Variants in CADM1 observed in about 807,000 individuals in gnomAD.
CADM1 encodes the protein cell adhesion molecule 1.
In CADM1, 15 loss-of-function variants were observed where a neutral mutation model predicts 53.1. That is an observed-to-expected ratio of 0.28 (90% CI 0.19 to 0.44). CADM1 has a LOEUF of 0.44. CADM1 is among the 20% of genes least tolerant of loss of function. The pLI is 1.00. For missense variants in CADM1, 434 were observed against 611.3 expected, an observed-to-expected ratio of 0.71 and a Z score of 3.06; for synonymous variants, 281 against 243.0, an observed-to-expected ratio of 1.16 and a Z score of -1.45.
At chr11:115,220,399 T>G (rs4936323) in intron 5 of CADM1, among the ~76,000 whole-genome samples, 30,684 of 152,192 alleles carry the variant, frequency 0.2, 3,827 homozygotes, top group South Asian at 0.35. Context: ...AGCTAAGGAT[T>G]TGTTATACCC....
rs141839758 is a variant in CADM1, at chr11:115,361,302, A to T, written c.125-120882T>A. On this transcript the variant is annotated intron_variant, in intron 1 of 11. Coordinates refer to ENST00000331581, the MANE Select transcript of CADM1 (RefSeq NM_001301043.2). ...GAGCTGGGTACCTGGCAATTCTCTT[A>T]CCAGAAAGAAGTCAGTAGGATTATA... 1.9e-3 allele frequency among the ~76,000 whole-genome samples: 285 copies of T among 152,290 alleles called. 2 individuals carry two copies. Among genetic ancestry groups the T allele is most frequent in the African/African-American group, 6.6e-3 (274 of 41,568 alleles).
chr11:115,231,256 G>T, intron 4 of CADM1, 97 bp downstream of exon 4: 2 of 1,332,122 alleles, frequency 1.5e-6, no homozygotes, highest in Non-Finnish European at 2.2e-6. Context: ...GAATACTTTT[G>T]TTTCATGGGC....
intron 1 of CADM1, among the ~76,000 whole-genome samples, chr11:115,485,496 C>T (rs577957716): frequency 9.8e-5 from 15 of 152,302 alleles, no homozygotes; most frequent in African/African-American, 3.4e-4. Flanking sequence ...CTGTAATTCC[C>T]ACGTGTTGTG....
intron 9 of CADM1, among the ~76,000 whole-genome samples, chr11:115,198,051 G>T (rs1361249370): frequency 6.6e-6 from 1 of 152,038 alleles, no homozygotes; most frequent in Non-Finnish European, 1.5e-5. Context: ...AAAGCAACTG[G>T]GCCTTTAATT....
chr11:115,247,241 T>C (rs1565322531), intron 1 of CADM1, among the ~76,000 whole-genome samples: 1 of 152,178 alleles, frequency 6.6e-6, no homozygotes, highest in Non-Finnish European at 1.5e-5. Context: ...AGTTTTGCTA[T>C]AGTTTAAATA....
At chr11:115,415,041 A>G (rs1049399757) in intron 1 of CADM1, among the ~76,000 whole-genome samples, 2 of 152,190 alleles carry the variant, frequency 1.3e-5, no homozygotes, top group African/African-American at 4.8e-5. Context: ...TAGCATATAT[A>G]TCTTCTAGCA....
intron 1 of CADM1, among the ~76,000 whole-genome samples, chr11:115,360,067 T>C (rs1457925574): frequency 1.3e-5 from 2 of 152,158 alleles, no homozygotes; most frequent in Admixed American, 6.5e-5. Flanking sequence ...AGAGCATTAA[T>C]CATGTAGAGG....
intron 10 of CADM1, among the ~76,000 whole-genome samples, chr11:115,188,940 G>A (rs1939708757): frequency 6.6e-6 from 1 of 151,754 alleles, no homozygotes; most frequent in Admixed American, 6.6e-5. Flanking sequence ...GCTGCTGAGT[G>A]AAGCCAAGCT....
At chr11:115,212,875 C>T (rs1187693581) in intron 7 of CADM1, among the ~76,000 whole-genome samples, 2 of 152,184 alleles carry the variant, frequency 1.3e-5, no homozygotes, top group Non-Finnish European at 2.9e-5. Context: ...AAAATCGTTA[C>T]CATAGGGCAT....
At chr11:115,427,562 CAT>C (rs976600565) in intron 1 of CADM1, among the ~76,000 whole-genome samples, 4 of 151,932 alleles carry the variant, frequency 2.6e-5, no homozygotes, top group African/African-American at 9.7e-5. Context: ...TGGGGGCAAA[CAT>C]AGAAGAATAC....
chr11:115,172,369 C>G lies in CADM1; in HGVS notation c.*4105G>C, dbSNP rs1196372328. 6.6e-6 allele frequency: 1 copy of G among 152,320 alleles called. No homozygotes were observed. The allele number at this position is 152,320 out of a possible 1,614,324, so 9.4% of individuals were successfully genotyped here. A position where few individuals can be genotyped will look rare whatever the true frequency, so the allele number is the denominator to read the frequency against. On this transcript the variant is annotated 3_prime_UTR_variant, in exon 12 of 12. Transcript: ENST00000331581. ...CACAAGACCCATCCCACCCTGCACA[C>G]GGAATTGCTTTCTTCTCCCCATACA...
intron 1 of CADM1, among the ~76,000 whole-genome samples, chr11:115,301,200 A>G (rs1292748805): frequency 6.6e-6 from 1 of 152,102 alleles, no homozygotes; most frequent in East Asian, 1.9e-4. Context: ...CCCTCACAGA[A>G]GAGCCCACAG....
chr11:115,309,596 C>T (rs868814685), intron 1 of CADM1, among the ~76,000 whole-genome samples: 1 of 151,996 alleles, frequency 6.6e-6, no homozygotes, highest in African/African-American at 2.4e-5. Flanking sequence ...TTATGTAGAA[C>T]TGAAATGGGA....
intron 5 of CADM1, among the ~76,000 whole-genome samples, chr11:115,221,668 CT>C (rs1324874273): frequency 6.6e-6 from 1 of 152,162 alleles, no homozygotes; most frequent in Non-Finnish European, 1.5e-5. Context: ...TTTCAGTTTC[CT>C]ATGTAAATGA....
chr11:115,185,842 A>C (rs2134618752), intron 10 of CADM1, among the ~76,000 whole-genome samples: 1 of 152,318 alleles, frequency 6.6e-6, no homozygotes, highest in South Asian at 2.1e-4. Flanking sequence ...TTCCCACTAG[A>C]ATCTCTCTCT....
intron 1 of CADM1, among the ~76,000 whole-genome samples, chr11:115,327,977 C>G (rs10891829): frequency 0.64 from 97,261 of 151,774 alleles, 33,219 homozygotes; most frequent in African/African-American, 0.87. Context: ...TTTTCTGCTT[C>G]ATTTTATGCC....
intron 1 of CADM1, among the ~76,000 whole-genome samples, chr11:115,332,128 T>A (rs1416506485): frequency 6.6e-6 from 1 of 152,122 alleles, no homozygotes; most frequent in African/African-American, 2.4e-5. Context: ...TATTGAACCA[T>A]CTGAATAGTT....
Position 115,240,273 on chromosome 11 carries a change from C to T in CADM1, c.271+1G>A, listed in dbSNP as rs78370249. On this transcript the variant is annotated splice_donor_variant, in intron 2 of 11. Coordinates refer to ENST00000331581, the MANE Select transcript of CADM1 (RefSeq NM_001301043.2). LOFTEE classifies it high-confidence loss of function. Reference sequence around the variant, plus strand: ...CTACAACTATAGAGATGGAAACTTACGCCTGAAGTCCCTGAAATAAATGGT... The same window carrying T: ...CTACAACTATAGAGATGGAAACTTATGCCTGAAGTCCCTGAAATAAATGGT... The T allele has an allele frequency of 2.5e-6, 4 of 1,613,376 alleles. No homozygotes were observed. Among genetic ancestry groups the T allele is most frequent in the African/African-American group, 1.3e-5 (1 of 74,978 alleles).
At chr11:115,338,619 C>T in intron 1 of CADM1, among the ~76,000 whole-genome samples, 1 of 152,168 alleles carries the variant, frequency 6.6e-6, no homozygotes, top group East Asian at 1.9e-4. Context: ...CAGATGCTCA[C>T]ACGTAGGAAG....
Sources: gnomAD v4.1 joint callset for allele counts (sites outside exome capture counted in the v4.1 genomes callset) on GRCh38, gnomAD v4.1.1 for gene constraint, MANE v1.5 for transcripts, NCBI Gene and HGNC (gene_info 2026-07-23, HGNC 2026-07-21) for gene names.